ZDHHC21: variants seen among roughly 807,000 people sequenced by gnomAD.
ZDHHC21 encodes palmitoyltransferase ZDHHC21.
In ZDHHC21, 15 loss-of-function variants were observed where a neutral mutation model predicts 34.6. That is an observed-to-expected ratio of 0.43 (90% CI 0.29 to 0.67). ZDHHC21 has a LOEUF of 0.67. ZDHHC21 is among the 30% of genes least tolerant of loss of function. The pLI, the probability that ZDHHC21 is intolerant of heterozygous loss-of-function variation, is 0.14. For missense variants in ZDHHC21, 344 were observed against 327.7 expected (o/e 1.05, Z -0.38); for synonymous variants, 142 against 101.8 (o/e 1.40, Z -2.38).
chr9:14,601,635 C>T, the ZDHHC21 span, among the ~76,000 whole-genome samples: 1 of 152,172 alleles, frequency 6.6e-6, no homozygotes, highest in Non-Finnish European at 1.5e-5. Flanking sequence ...ACCCAGCAAT[C>T]CCATTAATGG....
At chr9:14,606,507 G>A (rs1008566136), downstream of ZDHHC21, among the ~76,000 whole-genome samples, 6 of 152,270 alleles carry the variant, frequency 3.9e-5, no homozygotes, top group Admixed American at 2.6e-4. Flanking sequence ...GCAGTTGCCA[G>A]CCATAGAATC....
rs1381940955 is a variant in ZDHHC21, at chr9:14,617,738, A to T, written c.*1228T>A. On this transcript the variant is annotated 3_prime_UTR_variant, in exon 10 of 10. Transcript: ENST00000380916. ...AAGAACATCACTATTAGTAATTTACATTTGTACAAGGCTAATGATAAACAC... is the reference window on the plus strand; with the variant it reads ...AAGAACATCACTATTAGTAATTTACTTTTGTACAAGGCTAATGATAAACAC... 2 of 152,014 alleles carry T rather than the reference A, an allele frequency of 1.3e-5. No individual in the cohort carries two copies. The highest frequency in any genetic ancestry group is 2.9e-5 in the Non-Finnish European group (2 of 67,938). 9.4% of individuals were successfully genotyped at this position (152,014 alleles called of 1,614,324 possible).
intron 3 of ZDHHC21, among the ~76,000 whole-genome samples, chr9:14,678,401 A>G (rs571619214): frequency 2.0e-5 from 3 of 152,106 alleles, no homozygotes; most frequent in South Asian, 4.1e-4. Flanking sequence ...GGCATACAAC[A>G]TAAATATATA....
intron 2 of ZDHHC21, among the ~76,000 whole-genome samples, chr9:14,684,554 GAAAC>G (rs898442886): frequency 6.6e-6 from 1 of 151,322 alleles, no homozygotes; most frequent in Non-Finnish European, 1.5e-5. Context: ...AATAAAAGAG[GAAAC>G]AAACAAATGG....
In ZDHHC21 at chr9:14,616,967, C is replaced by T. The variant is rs1414889118; in HGVS notation, c.*1999G>A. On this transcript the variant is annotated 3_prime_UTR_variant, in exon 10 of 10. Transcript: ENST00000380916. ...GGAAAGAGACCCTGCCCAGTACCCACTGCTACTACATGAAGTATAAATTAG... is the reference window on the plus strand; with the variant it reads ...GGAAAGAGACCCTGCCCAGTACCCATTGCTACTACATGAAGTATAAATTAG... 1 of 151,868 alleles carries T rather than the reference C, an allele frequency of 6.6e-6. No homozygotes were observed. The highest frequency in any genetic ancestry group is 2.1e-4 in the South Asian group (1 of 4,830). 9.4% of individuals were successfully genotyped at this position (151,868 alleles called of 1,614,324 possible). A position where few individuals can be genotyped will look rare whatever the true frequency, so the allele number is the denominator to read the frequency against.
chr9:14,611,116 A>G lies in ZDHHC21; in HGVS notation c.*7850T>C, dbSNP rs1246853480. The G allele has an allele frequency of 6.6e-6, 1 of 152,112 alleles. No homozygotes were observed. The highest frequency in any genetic ancestry group is 1.5e-5 in the Non-Finnish European group (1 of 67,962). The allele number at this position is 152,112 out of a possible 1,614,324, so 9.4% of individuals were successfully genotyped here. A position where few individuals can be genotyped will look rare whatever the true frequency, so the allele number is the denominator to read the frequency against. ...ATTTAAAAATAAGATTTCAAAAAAT[A>G]CAGTACTTAATACATTTTGAGAAGT... On this transcript the variant is annotated 3_prime_UTR_variant, in exon 10 of 10. Transcript: ENST00000380916.
At chr9:14,673,076 C>T (rs1835766393) in intron 4 of ZDHHC21, 148 bp from the exon 5 acceptor site, 1 of 490,688 alleles carries the variant, frequency 2.0e-6, no homozygotes, top group East Asian at 3.1e-5. Context: ...ATTGATTTCA[C>T]TCACCAAATA....
chr9:14,633,852 G>A (rs1333292231), intron 8 of ZDHHC21, among the ~76,000 whole-genome samples: 3 of 152,148 alleles, frequency 2.0e-5, no homozygotes, highest in African/African-American at 7.2e-5. Flanking sequence ...GCCACTGAAA[G>A]CAACCCCGTC....
intron 7 of ZDHHC21, among the ~76,000 whole-genome samples, chr9:14,655,864 T>G (rs1217294724): frequency 6.5e-5 from 1 of 15,488 alleles, no homozygotes; most frequent in African/African-American, 2.4e-4. Context: ...AAAAGATAAT[T>G]TTTTAATGAA....
In ZDHHC21 at chr9:14,688,430, C is replaced by G. The variant is rs1159004238; in HGVS notation, c.-176+1907G>C. On this transcript the variant is annotated intron_variant, in intron 2 of 9. Coordinates refer to ENST00000380916, the MANE Select transcript of ZDHHC21 (RefSeq NM_178566.6). The stretch of plus-strand genomic sequence containing the variant: ...GTCCCCATCATTAAAAGTAATGAAA[C>G]AGTTTAACAATACCCCAGGGCCTGC... Among the ~76,000 whole-genome samples, 3 of 150,786 alleles carry G rather than the reference C, an allele frequency of 2.0e-5. 1 individual carries two copies. Among genetic ancestry groups the G allele is most frequent in the African/African-American group, 7.5e-5 (3 of 40,118 alleles).
intron 8 of ZDHHC21, among the ~76,000 whole-genome samples, chr9:14,625,912 C>G (rs1370467498): frequency 6.6e-6 from 1 of 151,764 alleles, no homozygotes; most frequent in East Asian, 1.9e-4. Flanking sequence ...ATGACACAGT[C>G]CTTAGCATCA....
the ZDHHC21 span, among the ~76,000 whole-genome samples, chr9:14,601,720 A>G: frequency 1.3e-5 from 2 of 152,236 alleles, no homozygotes; most frequent in South Asian, 2.1e-4. Flanking sequence ...AGTACAATTC[A>G]TAATAGCAAA....
intron 8 of ZDHHC21, among the ~76,000 whole-genome samples, chr9:14,636,728 A>G (rs1828377903): frequency 6.6e-6 from 1 of 152,198 alleles, no homozygotes; most frequent in African/African-American, 2.4e-5. Flanking sequence ...ACAGTGGAAT[A>G]AATCTAAAAA....
chr9:14,684,912 A>C (rs1838038767), intron 2 of ZDHHC21, among the ~76,000 whole-genome samples: 1 of 152,166 alleles, frequency 6.6e-6, no homozygotes, highest in African/African-American at 2.4e-5. Flanking sequence ...ATCTACAACC[A>C]CCTGATCTTT....
rs1823358805 is a variant in ZDHHC21 at position 14,611,863 on chromosome 9, T to A, written c.*7103A>T. 1 of 152,086 alleles carries A rather than the reference T, an allele frequency of 6.6e-6. No homozygotes were observed. The highest frequency in any genetic ancestry group is 1.5e-5 in the Non-Finnish European group (1 of 67,968). The allele number at this position is 152,086 out of a possible 1,614,324, so 9.4% of individuals were successfully genotyped here. ...TCTGGTGGAAGTTTTTACTTTTGTATCATTTAGTTGCTTTATTCTTACATA... is the reference window on the plus strand; with the variant it reads ...TCTGGTGGAAGTTTTTACTTTTGTAACATTTAGTTGCTTTATTCTTACATA... On this transcript the variant is annotated 3_prime_UTR_variant, in exon 10 of 10. Coordinates refer to ENST00000380916, the MANE Select transcript of ZDHHC21 (RefSeq NM_178566.6).
At chr9:14,610,722 T>A (rs928721286), downstream of ZDHHC21, among the ~76,000 whole-genome samples, 1 of 151,972 alleles carries the variant, frequency 6.6e-6, no homozygotes, top group Non-Finnish European at 1.5e-5. Context: ...TTACTGTAAG[T>A]AAATTATTCC....
intron 7 of ZDHHC21, among the ~76,000 whole-genome samples, chr9:14,640,817 G>A (rs998731453): frequency 6.6e-6 from 1 of 152,118 alleles, no homozygotes; most frequent in Non-Finnish European, 1.5e-5. Context: ...TTCTGGCTCA[G>A]AGATTGAAAA....
intron 8 of ZDHHC21, among the ~76,000 whole-genome samples, chr9:14,635,028 T>C (rs1194945017): frequency 6.6e-6 from 1 of 152,028 alleles, no homozygotes; most frequent in Non-Finnish European, 1.5e-5. Flanking sequence ...ATTCATTAAA[T>C]GAAATACAAA....
intron 7 of ZDHHC21, among the ~76,000 whole-genome samples, chr9:14,647,832 A>C (rs1459724419): frequency 6.6e-6 from 1 of 152,012 alleles, no homozygotes; most frequent in African/African-American, 2.4e-5. Context: ...TCTATTTCGA[A>C]TTACTTCTAG....
Sources: gnomAD v4.1 joint callset for allele counts (sites outside exome capture counted in the v4.1 genomes callset) on GRCh38, gnomAD v4.1.1 for gene constraint, MANE v1.5 for transcripts, NCBI Gene and HGNC (gene_info 2026-07-23, HGNC 2026-07-21) for gene names.